Variants in IFT88 observed in about 807,000 individuals in gnomAD.
IFT88 encodes the protein intraflagellar transport 88.
A neutral mutation model predicts 119.5 loss-of-function variants in IFT88; 74 were observed. The observed-to-expected ratio is 0.62, with a 90% CI of 0.51 to 0.75. The LOEUF (loss-of-function observed/expected upper bound fraction) is 0.75, where lower values mean the gene tolerates loss of function less well. Among genes scored for constraint, IFT88 ranks in the 30% least tolerant of loss-of-function variants. The pLI, the probability that IFT88 is intolerant of heterozygous loss-of-function variation, is 0.00. For missense variants in IFT88, 961 were observed against 977.7 expected (o/e 0.98, Z 0.23); for synonymous variants, 279 against 316.7 (o/e 0.88, Z 1.26).
In IFT88 at chr13:20,664,288, A is replaced by G. The variant is rs2054291196; in HGVS notation, c.2175+684A>G. On this transcript the variant is annotated intron_variant, in intron 23 of 25. Transcript: ENST00000351808. The stretch of plus-strand genomic sequence containing the variant: ...AAAACTAGAAGTTTTATCTAAAATG[A>G]TTTTTCAGAGAAACTAGTCCTCTTT... Among the ~76,000 whole-genome samples, 3 of 152,276 alleles carry G rather than the reference A, an allele frequency of 2.0e-5. No individual in the cohort carries two copies. The South Asian group carries it at 6.2e-4, about 32-fold the overall frequency.
In IFT88 at chr13:20,644,910, A is replaced by G. The variant is rs1449208852; in HGVS notation, c.1901A>G (p.Gln634Arg). 6.2e-7 allele frequency: 1 copy of G among 1,605,872 alleles called. No homozygotes were observed. Among genetic ancestry groups the G allele is most frequent in the Non-Finnish European group, 8.5e-7 (1 of 1,174,066 alleles). Residue 634 changes from glutamine (Q) to arginine (R), a missense_variant, in exon 20 of 26, where the codon CAA becomes CGA. Coordinates refer to ENST00000351808, the MANE Select transcript of IFT88 (RefSeq NM_006531.5). ...CTTGGAGCCTATTACATTGACACCC[A>G]ATTTTGGGAAAAAGCTATTCAGTAC... ...EWLGAYYIDT[Q>R]FWEKAIQYFE...
At chr13:20,672,938 T>C (rs1045091266) in intron 24 of IFT88, among the ~76,000 whole-genome samples, 3 of 152,144 alleles carry the variant, frequency 2.0e-5, no homozygotes, top group African/African-American at 7.2e-5. Context: ...AGACTAGGCA[T>C]TGTGCAACAG....
chr13:20,601,901 G>T lies in IFT88; in HGVS notation c.1009G>T (p.Glu337Ter), dbSNP rs1192566331. 6.3e-7 allele frequency: 1 copy of T among 1,598,072 alleles called. No homozygotes were observed. The highest frequency in any genetic ancestry group is 8.6e-7 in the Non-Finnish European group (1 of 1,165,548). ...CCAAAAATTGATTACTGTTCCATTA[G>T]AAATTGATGAAGATAAATATATTTC... is the stretch of plus-strand genomic sequence containing the variant. Reference protein sequence around the residue: ...AFQKLITVPLEIDEDKYISPS... With the variant: ...AFQKLITVPL Residue 337 changes from glutamate (E) to a stop codon, truncating the protein, a stop_gained, in exon 12 of 26, where the codon GAA becomes TAA. Coordinates refer to ENST00000351808, the MANE Select transcript of IFT88 (RefSeq NM_006531.5). LOFTEE classifies it high-confidence loss of function.
intron 1 of IFT88, among the ~76,000 whole-genome samples, chr13:20,572,558 C>G (rs576615039): frequency 6.6e-6 from 1 of 152,134 alleles, no homozygotes; most frequent in Non-Finnish European, 1.5e-5. Context: ...TAAATTACAG[C>G]TATTACATGT....
intron 20 of IFT88, among the ~76,000 whole-genome samples, chr13:20,649,828 GTAAA>G (rs2140450579): frequency 6.6e-6 from 1 of 152,102 alleles, no homozygotes; most frequent in African/African-American, 2.4e-5. Flanking sequence ...CCAATTTTAC[GTAAA>G]TAAAAAGTTA....
At chr13:20,596,001 G>A in intron 7 of IFT88, 149 bp from the exon 8 acceptor site, 1 of 226,708 alleles carries the variant, frequency 4.4e-6, no homozygotes, top group Non-Finnish European at 8.9e-6. Context: ...GCTGCAGTGA[G>A]CTATGATTGT....
chr13:20,660,958 A>C lies in IFT88; in HGVS notation c.2069-2540A>C, dbSNP rs114195340. 1.7e-3 allele frequency among the ~76,000 whole-genome samples: 266 copies of C among 152,288 alleles called. 1 individual carries two copies. Among genetic ancestry groups the C allele is most frequent in the African/African-American group, 6.1e-3 (252 of 41,562 alleles). Reference sequence around the variant, plus strand: ...TGTTATTATATATATTATCAGTAATACTTTTGAAAAAATGGAGTGTTCACT... The same window carrying C: ...TGTTATTATATATATTATCAGTAATCCTTTTGAAAAAATGGAGTGTTCACT... On this transcript the variant is annotated intron_variant, in intron 22 of 25. Coordinates refer to ENST00000351808, the MANE Select transcript of IFT88 (RefSeq NM_006531.5).
intron 24 of IFT88, among the ~76,000 whole-genome samples, chr13:20,690,278 T>G (rs1327772441): frequency 1.3e-5 from 2 of 152,136 alleles, no homozygotes; most frequent in East Asian, 3.9e-4. Context: ...ATCACAGAAA[T>G]TTCTGGTTAA....
chr13:20,665,721 A>T (rs1709169448), intron 23 of IFT88, among the ~76,000 whole-genome samples: 1 of 152,172 alleles, frequency 6.6e-6, no homozygotes, highest in Non-Finnish European at 1.5e-5. Context: ...ATTGATTATG[A>T]TCTGCCGTGC....
chr13:20,597,769 A>ATATATT (rs1452719272), intron 9 of IFT88, among the ~76,000 whole-genome samples: 8 of 143,846 alleles, frequency 5.6e-5, no homozygotes, highest in Admixed American at 1.4e-4. Flanking sequence ...ATATATATAT[A>ATATATT]TTTTTTTTTT....
At chr13:20,567,864 G>GTTTTTTTTTT (rs1433786156) in intron 1 of IFT88, 1 of 887,512 alleles carries the variant, frequency 1.1e-6, no homozygotes, top group Non-Finnish European at 1.6e-6. Context: ...AGTTTTTTTT[G>GTTTTTTTTTT]TTTGTTTTTT....
Position 20,620,786 on chromosome 13 carries a change from C to T in IFT88, c.1199+4907C>T, listed in dbSNP as rs550413948. Among the ~76,000 whole-genome samples the T allele has an allele frequency of 2.7e-4, 41 of 152,194 alleles. 2 individuals are homozygous for T. In the South Asian group the frequency reaches 7.9e-3, roughly 29 times the overall value. On this transcript the variant is annotated intron_variant, in intron 14 of 25. Transcript: ENST00000351808. Reference sequence around the variant, plus strand: ...TCACCATGTTAGCCTGGCTCGGCCTCCCAAAGTGCTGGGATGATAGACGTG... The same window carrying T: ...TCACCATGTTAGCCTGGCTCGGCCTTCCAAAGTGCTGGGATGATAGACGTG...
chr13:20,691,191 T>TTA lies in IFT88; in HGVS notation c.*18_*19dup. ...TCCAGAATAATATTCACTTTAATAT[T>TTA]TATTAAAGGAAAGAAATTGCCTTAT... is the stretch of plus-strand genomic sequence containing the variant. On this transcript the variant is annotated 3_prime_UTR_variant, in exon 26 of 26. Coordinates refer to ENST00000351808, the MANE Select transcript of IFT88 (RefSeq NM_006531.5). 1.3e-6 allele frequency: 2 copies of TTA among 1,596,592 alleles called. No homozygotes were observed. Among genetic ancestry groups the TTA allele is most frequent in the Non-Finnish European group, 1.7e-6 (2 of 1,167,692 alleles).
At chr13:20,644,718 C>T (rs2050475192) in intron 19 of IFT88, 125 bp from the exon 20 acceptor site, 1 of 515,964 alleles carries the variant, frequency 1.9e-6, no homozygotes, top group African/African-American at 1.9e-5. Flanking sequence ...GTACTTAGGA[C>T]AGTTCATACT....
chr13:20,606,621 G>A (rs528347658), intron 13 of IFT88, among the ~76,000 whole-genome samples: 1 of 152,334 alleles, frequency 6.6e-6, no homozygotes, highest in East Asian at 1.9e-4. Flanking sequence ...GCTCACGCCT[G>A]TAGTCCCAGC....
intron 9 of IFT88, among the ~76,000 whole-genome samples, chr13:20,597,769 A>ATATATATATATATATATATATATATTTT (rs1452719272): frequency 1.4e-5 from 2 of 143,842 alleles, no homozygotes; most frequent in Non-Finnish European, 3.0e-5. Context: ...ATATATATAT[A>ATATATATATATATATATATATATATTTT]TTTTTTTTTT....
At chr13:20,608,286 C>T (rs1013000351) in intron 13 of IFT88, among the ~76,000 whole-genome samples, 2 of 152,198 alleles carry the variant, frequency 1.3e-5, no homozygotes, top group Non-Finnish European at 2.9e-5. Flanking sequence ...ATCAGAAGCA[C>T]CGGGGTTCCT....
chr13:20,607,570 G>C (rs2043719587), intron 13 of IFT88: 1 of 733,572 alleles, frequency 1.4e-6, no homozygotes, highest in African/African-American at 1.7e-5. Flanking sequence ...AAGATCTTGA[G>C]AGATTTGCGG....
chr13:20,583,427 A>G (rs1426385777), intron 3 of IFT88, among the ~76,000 whole-genome samples: 1 of 152,192 alleles, frequency 6.6e-6, no homozygotes, highest in Non-Finnish European at 1.5e-5. Context: ...ATAGTATTCC[A>G]TTGTATGTTT....
Sources: allele counts gnomAD v4.1 joint callset (sites outside exome capture counted in the v4.1 genomes callset), GRCh38; gene constraint gnomAD v4.1.1; transcripts MANE v1.5; gene names NCBI Gene and HGNC (gene_info 2026-07-23, HGNC 2026-07-21).